The following MYH9 variants were observed in gnomAD, a reference collection of about 807,000 sequenced individuals.
MYH9 encodes myosin-9.
MYH9 carries 29 observed loss-of-function variants against 241.9 expected under a neutral mutation model. The observed-to-expected ratio is 0.12, with a 90% CI of 0.09 to 0.16. MYH9 has a LOEUF of 0.16. MYH9 is among the 10% of genes least tolerant of loss of function. MYH9 has a pLI of 1.00. For synonymous variants in MYH9, 1,047 were observed against 1,062.6 expected (o/e 0.99, Z 0.29); for missense variants, 1,803 against 2,595.5 (o/e 0.69, Z 6.63).
intron 1 of MYH9, among the ~76,000 whole-genome samples, chr22:36,358,856 T>C (rs947345540): frequency 2.0e-5 from 3 of 152,222 alleles, no homozygotes; most frequent in Non-Finnish European, 2.9e-5. Flanking sequence ...CAGTTCAAAA[T>C]GGTTCGACAG....
chr22:36,311,950 C>T lies in MYH9; in HGVS notation c.1728+99G>A. On this transcript the variant is annotated intron_variant, in intron 14 of 40. Transcript: ENST00000216181. ...CAAGAACCGTACTCAGGTCACACCC[C>T]TGCGTCCCCAGCAGCTGCCCGGCTC... 4.8e-6 allele frequency: 7 copies of T among 1,467,224 alleles called. No homozygotes were observed. The South Asian group carries it at 6.8e-5, about 14-fold the overall frequency. 90.9% of individuals were successfully genotyped at this position (1,467,224 alleles called of 1,614,324 possible). A position where few individuals can be genotyped will look rare whatever the true frequency, so the allele number is the denominator to read the frequency against.
At chr22:36,317,225 C>T (rs972976608) in intron 11 of MYH9, among the ~76,000 whole-genome samples, 6 of 152,114 alleles carry the variant, frequency 3.9e-5, no homozygotes, top group African/African-American at 1.4e-4. Context: ...ACGTGGGGCT[C>T]TTTACACTCT....
intron 13 of MYH9, 77 bp downstream of exon 13, chr22:36,314,068 A>G (rs762620995): frequency 2.4e-5 from 37 of 1,517,394 alleles, no homozygotes; most frequent in Non-Finnish European, 3.0e-5. Context: ...ACCAACACAG[A>G]GCTGAGGTGA....
At chr22:36,304,982 C>G (rs2016945939) in intron 18 of MYH9, 51 bp downstream of exon 18, 47 of 1,584,060 alleles carry the variant, frequency 3.0e-5, no homozygotes, top group Non-Finnish European at 4.0e-5. Flanking sequence ...TGGGCACTCC[C>G]CAGACAAGGG....
chr22:36,309,223 G>T, intron 15 of MYH9, 59 bp downstream of exon 15: 2 of 1,421,334 alleles, frequency 1.4e-6, no homozygotes, highest in African/African-American at 1.4e-5. Flanking sequence ...CACTGTGGAG[G>T]TGGGAAGATG....
chr22:36,341,253 G>T, intron 3 of MYH9, 117 bp downstream of exon 3: 3 of 1,313,930 alleles, frequency 2.3e-6, no homozygotes, highest in East Asian at 2.3e-5. Flanking sequence ...ATGATGCACT[G>T]CCCATCACCA....
At chr22:36,328,445 G>A (rs1603483593) in intron 3 of MYH9, among the ~76,000 whole-genome samples, 1 of 152,084 alleles carries the variant, frequency 6.6e-6, no homozygotes, top group Non-Finnish European at 1.5e-5. Context: ...TAGCCTCACC[G>A]TCCTTGAAGT....
intron 1 of MYH9, among the ~76,000 whole-genome samples, chr22:36,360,031 C>T (rs1203315054): frequency 2.5e-5 from 1 of 39,360 alleles, no homozygotes; most frequent in African/African-American, 1.3e-4. Flanking sequence ...TGAGGACAAA[C>T]ACCACCACCA....
Position 36,317,746 on chromosome 22 carries a change from A to G in MYH9, c.1227+461T>C, listed in dbSNP as rs556610781. Among the ~76,000 whole-genome samples the G allele has an allele frequency of 5.2e-5, 8 of 152,384 alleles. No homozygotes were observed. In the South Asian group the frequency reaches 1.7e-3, roughly 32 times the overall value. ...GCACATCAGTCTGGCAGGAAGGAGC[A>G]AGCGCTGCTGCTCGTCTCTCAGCAC... is the stretch of plus-strand genomic sequence containing the variant. On this transcript the variant is annotated intron_variant, in intron 11 of 40. Coordinates refer to ENST00000216181, the MANE Select transcript of MYH9 (RefSeq NM_002473.6).
Position 36,300,351 on chromosome 22 carries a change from A to T in MYH9, c.2839-87T>A. On this transcript the variant is annotated intron_variant, in intron 22 of 40. Transcript: ENST00000216181. This position sits in a 1 kb window ranked among gnomAD's most constrained non-coding sequence, Gnocchi z 5.0. ...AGCAAGGTCCGAAGGCCAGATCCAAACGCCAAGGAGAAAATAGCAAGGTCT... is the reference window on the plus strand; with the variant it reads ...AGCAAGGTCCGAAGGCCAGATCCAATCGCCAAGGAGAAAATAGCAAGGTCT... 6.3e-7 allele frequency: 1 copy of T among 1,577,678 alleles called. No individual in the cohort carries two copies. Among genetic ancestry groups the T allele is most frequent in the Admixed American group, 1.7e-5 (1 of 59,902 alleles).
At chr22:36,317,216 C>T (rs574342217) in intron 11 of MYH9, among the ~76,000 whole-genome samples, 3 of 152,232 alleles carry the variant, frequency 2.0e-5, no homozygotes, top group Non-Finnish European at 2.9e-5. Flanking sequence ...GTGATGGGCA[C>T]GTGGGGCTCT....
rs759855351 is a variant in MYH9 at position 36,341,540 on chromosome 22, C to G, written c.334-14G>C. 22 of 1,613,132 alleles carry G rather than the reference C, an allele frequency of 1.4e-5. No homozygotes were observed. The highest frequency in any genetic ancestry group is 1.8e-5 in the Non-Finnish European group (21 of 1,179,766). Reference sequence around the variant, plus strand: ...GCCTGAATAGGTCTAAAGAAAAGAGCGGCAGATAGGAACAGGTTAGGAAGT... The same window carrying G: ...GCCTGAATAGGTCTAAAGAAAAGAGGGGCAGATAGGAACAGGTTAGGAAGT... On this transcript the variant is annotated splice_polypyrimidine_tract_variant and intron_variant, in intron 2 of 40. Coordinates refer to ENST00000216181, the MANE Select transcript of MYH9 (RefSeq NM_002473.6).
At chr22:36,312,459 T>C (rs2146354872) in intron 13 of MYH9, among the ~76,000 whole-genome samples, 1 of 152,230 alleles carries the variant, frequency 6.6e-6, no homozygotes, top group Middle Eastern at 3.4e-3. Flanking sequence ...CCAGCATTAG[T>C]GAAACCCTCA....
intron 1 of MYH9, among the ~76,000 whole-genome samples, chr22:36,357,339 G>A (rs1424586711): frequency 1.3e-5 from 2 of 152,188 alleles, no homozygotes; most frequent in African/African-American, 2.4e-5. Flanking sequence ...AAGAGCCAAC[G>A]TACAGGAAGA....
At chr22:36,378,599 C>T (rs1014672026) in intron 1 of MYH9, among the ~76,000 whole-genome samples, 20 of 152,062 alleles carry the variant, frequency 1.3e-4, no homozygotes, top group Admixed American at 1.2e-3. Flanking sequence ...TGGCACCACC[C>T]CATGTGAAAT....
At chr22:36,336,661 G>A (rs2017504770) in intron 3 of MYH9, among the ~76,000 whole-genome samples, 1 of 152,194 alleles carries the variant, frequency 6.6e-6, no homozygotes, top group Non-Finnish European at 1.5e-5. Flanking sequence ...GTCACCCAAG[G>A]CCACGCTGGG....
intron 2 of MYH9, among the ~76,000 whole-genome samples, chr22:36,342,962 G>T (rs1341977737): frequency 6.6e-6 from 1 of 152,214 alleles, no homozygotes; most frequent in Non-Finnish European, 1.5e-5. Flanking sequence ...TCCATCACAA[G>T]TGGCCTGCAC....
intron 5 of MYH9, 34 bp from the exon 6 acceptor site, chr22:36,322,555 G>A (rs2017271673): frequency 6.2e-7 from 1 of 1,607,124 alleles, no homozygotes; most frequent in African/African-American, 1.3e-5. Context: ...TGAAGGCCGG[G>A]CAGCGACCTG....
chr22:36,327,344 G>T, intron 4 of MYH9, 117 bp downstream of exon 4: 2 of 1,176,188 alleles, frequency 1.7e-6, no homozygotes, highest in Non-Finnish European at 2.5e-6. Flanking sequence ...TGGAGGAGGG[G>T]CCTTGAATTG....
Sources: gnomAD v4.1 joint callset for allele counts (sites outside exome capture counted in the v4.1 genomes callset) on GRCh38, gnomAD v4.1.1 for gene constraint, Gnocchi (gnomAD v3.1) non-coding constraint, MANE v1.5 for transcripts, NCBI Gene and HGNC (gene_info 2026-07-23, HGNC 2026-07-21) for gene names.